The following SOX5 variants were observed in gnomAD, a reference collection of about 807,000 sequenced individuals.
SOX5 encodes the protein SRY-box transcription factor 5, also known as transcription factor SOX-5.
Under a neutral mutation model 92.0 loss-of-function variants are expected in SOX5, and 9 were observed. That is an observed-to-expected ratio of 0.10 (90% CI 0.06 to 0.17). The LOEUF (loss-of-function observed/expected upper bound fraction) is 0.17. Among genes scored for constraint, SOX5 ranks in the 10% least tolerant of loss-of-function variants. The probability of loss-of-function intolerance (pLI) is 1.00; values close to 1 mark genes in which losing one functional copy is unlikely to be tolerated. For synonymous variants in SOX5, 344 were observed against 336.3 expected (o/e 1.02, Z -0.25); for missense variants, 642 against 944.5 (o/e 0.68, Z 4.20).
At chr12:23,756,249 A>C (rs965019410) in intron 3 of SOX5, among the ~76,000 whole-genome samples, 1 of 151,804 alleles carries the variant, frequency 6.6e-6, no homozygotes, top group Non-Finnish European at 1.5e-5. Context: ...AAAAAACAAA[A>C]AAAAAATTGG....
chr12:23,829,000 G>A (rs1208553703), intron 3 of SOX5, among the ~76,000 whole-genome samples: 1 of 152,052 alleles, frequency 6.6e-6, no homozygotes, highest in East Asian at 1.9e-4. Context: ...GTTCAGATGG[G>A]TACACTGGGA....
At chr12:23,736,579 C>T (rs1339319189) in intron 5 of SOX5, among the ~76,000 whole-genome samples, 1 of 151,716 alleles carries the variant, frequency 6.6e-6, no homozygotes, top group African/African-American at 2.4e-5. Context: ...ATGTACCTGG[C>T]TGCGCAAAAA....
At chr12:24,203,030 T>C (rs775746784) in intron 4 of SOX5, among the ~76,000 whole-genome samples, 8 of 152,226 alleles carry the variant, frequency 5.3e-5, no homozygotes, top group Non-Finnish European at 7.3e-5. Flanking sequence ...ATTATGACTG[T>C]GGTGTTTACC....
chr12:24,282,100 T>C (rs1363982041), intron 2 of SOX5, among the ~76,000 whole-genome samples: 1 of 152,188 alleles, frequency 6.6e-6, no homozygotes, highest in Admixed American at 6.5e-5. Context: ...TCCGTAGTAC[T>C]TTGCTATGCT....
At chr12:24,412,916 C>T (rs1026443680) in intron 1 of SOX5, among the ~76,000 whole-genome samples, 1 of 151,988 alleles carries the variant, frequency 6.6e-6, no homozygotes, top group East Asian at 1.9e-4. Context: ...CCACCACGCC[C>T]GGCTAATTTT....
At chr12:24,371,405 T>C (rs752362914) in intron 1 of SOX5, among the ~76,000 whole-genome samples, 23 of 152,216 alleles carry the variant, frequency 1.5e-4, no homozygotes, top group Admixed American at 3.9e-4. Context: ...CATGATACCC[T>C]GAACATAAAA....
chr12:23,866,218 T>C (rs1263860161), intron 2 of SOX5, among the ~76,000 whole-genome samples: 2 of 152,172 alleles, frequency 1.3e-5, no homozygotes, highest in Non-Finnish European at 2.9e-5. Context: ...TATACACACA[T>C]ATGCATATAC....
chr12:24,319,306 A>G (rs991857560), intron 2 of SOX5, among the ~76,000 whole-genome samples: 72 of 152,182 alleles, frequency 4.7e-4, no homozygotes, highest in African/African-American at 1.7e-3. Flanking sequence ...TTATCCATAC[A>G]TCTGACAACT....
intron 4 of SOX5, among the ~76,000 whole-genome samples, chr12:23,970,688 T>C (rs893300883): frequency 2.7e-5 from 4 of 150,186 alleles, no homozygotes; most frequent in African/African-American, 9.8e-5. Flanking sequence ...CATTCATGTG[T>C]TGATAAACAC....
At chr12:23,886,727 A>C (rs1424150604) in intron 2 of SOX5, among the ~76,000 whole-genome samples, 1 of 152,138 alleles carries the variant, frequency 6.6e-6, no homozygotes, top group Non-Finnish European at 1.5e-5. Flanking sequence ...AAAATCTCAA[A>C]ATTAAAAAAG....
At chr12:24,011,767 C>T (rs1370802974) in intron 4 of SOX5, among the ~76,000 whole-genome samples, 3 of 151,848 alleles carry the variant, frequency 2.0e-5, no homozygotes, top group Non-Finnish European at 4.4e-5. Context: ...GAAACTTATC[C>T]CCTATTGCAG....
At chr12:23,807,860 C>T (rs2095808391) in intron 3 of SOX5, among the ~76,000 whole-genome samples, 1 of 151,898 alleles carries the variant, frequency 6.6e-6, no homozygotes, top group African/African-American at 2.4e-5. Context: ...GTTGGCCAGG[C>T]TGGTCTTGAA....
chr12:23,768,460 G>T (rs1006648179), intron 3 of SOX5, among the ~76,000 whole-genome samples: 1 of 152,092 alleles, frequency 6.6e-6, no homozygotes, highest in Non-Finnish European at 1.5e-5. Context: ...TGAACACCAG[G>T]ATGAATATGA....
At chr12:23,993,912 T>TATGCATGCATGTATGCATGCATGC (rs1209945179) in intron 4 of SOX5, among the ~76,000 whole-genome samples, 1 of 148,338 alleles carries the variant, frequency 6.7e-6, no homozygotes, top group Non-Finnish European at 1.5e-5. Flanking sequence ...TGTATGTATG[T>TATGCATGCATGTATGCATGCATGC]ATGCATGTAT....
intron 3 of SOX5, among the ~76,000 whole-genome samples, chr12:23,784,169 T>C (rs908831436): frequency 6.6e-6 from 1 of 152,168 alleles, no homozygotes; most frequent in Non-Finnish European, 1.5e-5. Flanking sequence ...ACTTGGCTCA[T>C]TGAGCTGGCT....
chr12:23,650,695 C>A (rs1310189047), intron 7 of SOX5, among the ~76,000 whole-genome samples: 1 of 152,092 alleles, frequency 6.6e-6, no homozygotes, highest in East Asian at 1.9e-4. Flanking sequence ...AGTTTCATTA[C>A]CCCCAGTGTT....
chr12:23,990,623 T>G (rs1950476726), intron 4 of SOX5, among the ~76,000 whole-genome samples: 1 of 152,122 alleles, frequency 6.6e-6, no homozygotes, highest in South Asian at 2.1e-4. Flanking sequence ...AACCATCATC[T>G]CATCACTTCT....
intron 6 of SOX5, among the ~76,000 whole-genome samples, chr12:23,724,929 C>G (rs2093035408): frequency 6.6e-6 from 1 of 152,038 alleles, no homozygotes; most frequent in Non-Finnish European, 1.5e-5. Flanking sequence ...GTAGGGTGAC[C>G]AACATGGTTA....
intron 4 of SOX5, among the ~76,000 whole-genome samples, chr12:24,112,051 C>A (rs750673861): frequency 5.3e-5 from 8 of 152,092 alleles, no homozygotes; most frequent in Non-Finnish European, 1.0e-4. Flanking sequence ...AAATAAAGAA[C>A]AAGGAACCAT....
Sources: gnomAD v4.1 joint callset for allele counts (sites outside exome capture counted in the v4.1 genomes callset) on GRCh38, gnomAD v4.1.1 for gene constraint, MANE v1.5 for transcripts, NCBI Gene and HGNC (gene_info 2026-07-23, HGNC 2026-07-21) for gene names.